The following FLT3 variants were observed in gnomAD, a reference collection of about 807,000 sequenced individuals.
The protein encoded by FLT3 is receptor-type tyrosine-protein kinase FLT3.
A neutral mutation model predicts 126.6 loss-of-function variants in FLT3; 46 were observed. That is an observed-to-expected ratio of 0.36 (90% CI 0.29 to 0.46). The LOEUF is 0.46. Among genes scored for constraint, FLT3 ranks in the 20% least tolerant of loss-of-function variants. The probability of loss-of-function intolerance (pLI) is 1.00; values close to 1 mark genes in which losing one functional copy is unlikely to be tolerated. For synonymous variants in FLT3, 404 were observed against 434.4 expected, an observed-to-expected ratio of 0.93 and a Z score of 0.87; for missense variants, 1,069 against 1,190.3, an observed-to-expected ratio of 0.90 and a Z score of 1.50.
chr13:28,090,785 C>T (rs1878982282), intron 1 of FLT3, among the ~76,000 whole-genome samples: 3 of 151,996 alleles, frequency 2.0e-5, no homozygotes, highest in Admixed American at 6.6e-5. Flanking sequence ...CGCCCCTGCC[C>T]CCTCAACAAA....
At chr13:28,057,565 G>A (rs970724641) in intron 3 of FLT3, 103 bp from the exon 4 acceptor site, 9 of 668,308 alleles carry the variant, frequency 1.3e-5, no homozygotes, top group Middle Eastern at 4.0e-4. Flanking sequence ...AGCGTTCCCC[G>A]ACTGGCACGG....
intron 12 of FLT3, 25 bp from the exon 13 acceptor site, chr13:28,034,432 C>A (rs746369529): frequency 4.0e-6 from 6 of 1,496,026 alleles, no homozygotes; most frequent in Admixed American, 3.4e-5. Flanking sequence ...TGTCACTCAG[C>A]GATGAAACAG....
chr13:28,086,809 G>C (rs1878705740), intron 1 of FLT3, among the ~76,000 whole-genome samples: 1 of 151,978 alleles, frequency 6.6e-6, no homozygotes, highest in African/African-American at 2.4e-5. Flanking sequence ...ATCAAACCCA[G>C]CTAATTTTTG....
intron 9 of FLT3, among the ~76,000 whole-genome samples, chr13:28,037,904 G>T (rs551192543): frequency 6.6e-6 from 1 of 152,292 alleles, no homozygotes; most frequent in Admixed American, 6.5e-5. Flanking sequence ...TTCCTTAAGA[G>T]AATCTAATCC....
At chr13:28,091,315 G>A (rs369320406) in intron 1 of FLT3, among the ~76,000 whole-genome samples, 390 of 127,746 alleles carry the variant, frequency 3.1e-3, no homozygotes, top group Non-Finnish European at 4.2e-3. Flanking sequence ...TCCGCCTCCC[G>A]GGTTCACGCC....
In FLT3 at chr13:28,088,977, A is replaced by G. The variant is rs1593305493; in HGVS notation, c.43+11491T>C. 2.0e-5 allele frequency among the ~76,000 whole-genome samples: 3 copies of G among 152,198 alleles called. No homozygotes were observed. The South Asian group carries it at 6.2e-4, about 32-fold the overall frequency. ...AAAAGGACTTGTATCCATAATATGCAAAGAACCCTTAAAACCCAATAATAA... is the reference window on the plus strand; with the variant it reads ...AAAAGGACTTGTATCCATAATATGCGAAGAACCCTTAAAACCCAATAATAA... On this transcript the variant is annotated intron_variant, in intron 1 of 23. Coordinates refer to ENST00000241453, the MANE Select transcript of FLT3 (RefSeq NM_004119.3).
chr13:28,024,840 C>T (rs1233485098), intron 18 of FLT3, 21 bp downstream of exon 18: 7 of 1,470,636 alleles, frequency 4.8e-6, no homozygotes, highest in Non-Finnish European at 4.7e-6. Context: ...TAAAGTGCTA[C>T]TACTTAGAAT....
chr13:28,091,359 C>G (rs953009347), intron 1 of FLT3, among the ~76,000 whole-genome samples: 2 of 148,772 alleles, frequency 1.3e-5, no homozygotes, highest in East Asian at 2.0e-4. Context: ...GTAGCTGGGA[C>G]TACAGGCGCC....
chr13:28,012,409 C>T (rs1871472639), intron 23 of FLT3, among the ~76,000 whole-genome samples: 1 of 152,144 alleles, frequency 6.6e-6, no homozygotes, highest in African/African-American at 2.4e-5. Context: ...GCGACACGAG[C>T]TTTGCACTTT....
At chr13:28,011,229 G>A (rs1272386258) in intron 23 of FLT3, among the ~76,000 whole-genome samples, 2 of 150,390 alleles carry the variant, frequency 1.3e-5, no homozygotes, top group African/African-American at 4.9e-5. Flanking sequence ...AGAATTGCTT[G>A]AACCCAGGAG....
intron 1 of FLT3, among the ~76,000 whole-genome samples, chr13:28,077,124 A>AGAGAG: frequency 3.2e-5 from 2 of 63,360 alleles, no homozygotes; most frequent in African/African-American, 7.0e-5. Flanking sequence ...AAAGAAAGAG[A>AGAGAG]AAAGAAAGAA....
chr13:28,088,741 C>T (rs185663310), intron 1 of FLT3, among the ~76,000 whole-genome samples: 1 of 151,578 alleles, frequency 6.6e-6, no homozygotes, highest in Non-Finnish European at 1.5e-5. Flanking sequence ...CCCACCACCA[C>T]GCCCAGCTAA....
chr13:28,052,795 TC>T (rs1461613638), intron 4 of FLT3, 121 bp from the exon 5 acceptor site: 10 of 593,220 alleles, frequency 1.7e-5, no homozygotes, highest in Non-Finnish European at 2.7e-5. Context: ...CATATTTTTT[TC>T]TTTTTTCATA....
intron 1 of FLT3, among the ~76,000 whole-genome samples, chr13:28,092,025 G>A (rs111560962): frequency 0.16 from 24,842 of 152,002 alleles, 2,069 homozygotes; most frequent in Middle Eastern, 0.24. Context: ...AGCCAAGATC[G>A]CGCCATTGCA....
chr13:28,009,188 C>A (rs1281833469), intron 23 of FLT3: 1 of 79,154 alleles, frequency 1.3e-5, no homozygotes. Context: ...TTTTCTCTTC[C>A]CCCATTTTGT....
intron 10 of FLT3, among the ~76,000 whole-genome samples, chr13:28,036,559 T>C (rs1018562352): frequency 7.9e-5 from 12 of 152,352 alleles, no homozygotes; most frequent in African/African-American, 2.2e-4. Context: ...AAATGAGAGA[T>C]AAAATGACTT....
At chr13:28,034,596 C>T (rs1469892235) in intron 12 of FLT3, among the ~76,000 whole-genome samples, 189 bp from the exon 13 acceptor site, 1 of 152,208 alleles carries the variant, frequency 6.6e-6, no homozygotes, top group Non-Finnish European at 1.5e-5. Context: ...TACATTTCCT[C>T]CCTAGAAAAT....
intron 5 of FLT3, 136 bp downstream of exon 5, chr13:28,052,409 T>G: frequency 1.1e-6 from 1 of 898,192 alleles, no homozygotes; most frequent in Non-Finnish European, 1.7e-6. Context: ...TACTGGCCAT[T>G]TTTTAACTTT....
In FLT3 at chr13:28,015,215, A is replaced by G; in HGVS notation, c.2695T>C (p.Tyr899His). The change falls in exon 22 of 24, where the codon TAC becomes CAC. Residue 899 changes from tyrosine (Y) to histidine (H), a missense_variant. Coordinates refer to ENST00000241453, the MANE Select transcript of FLT3 (RefSeq NM_004119.3). ...TTAAATCCATTTTGAATCAGTTTGT[A>G]GAAGTTAGCATCAACCGGAATGCCA... The part of the protein sequence containing the change: ...YPGIPVDANF[Y>H]KLIQNGFKMD... 6.2e-7 allele frequency: 1 copy of G among 1,612,886 alleles called. No homozygotes were observed. The highest frequency in any genetic ancestry group is 8.5e-7 in the Non-Finnish European group (1 of 1,178,966).
Sources: gnomAD v4.1 joint callset for allele counts (sites outside exome capture counted in the v4.1 genomes callset) on GRCh38, gnomAD v4.1.1 for gene constraint, MANE v1.5 for transcripts, NCBI Gene and HGNC (gene_info 2026-07-23, HGNC 2026-07-21) for gene names.